The following SUZ12 variants were observed in gnomAD, a reference collection of about 807,000 sequenced individuals.
SUZ12 encodes the protein SUZ12 polycomb repressive complex 2 subunit, also known as polycomb protein SUZ12.
Under a neutral mutation model 87.3 loss-of-function variants are expected in SUZ12, and 17 were observed. That is an observed-to-expected ratio of 0.19 (90% CI 0.13 to 0.29). The LOEUF is 0.29. Ranked by LOEUF, SUZ12 falls within the 10% of genes least tolerant of loss-of-function variation. The pLI is 1.00. For missense variants in SUZ12, 526 were observed against 912.2 expected, an observed-to-expected ratio of 0.58 and a Z score of 5.45; for synonymous variants, 253 against 312.4, an observed-to-expected ratio of 0.81 and a Z score of 2.01.
Position 31,937,104 on chromosome 17 carries a change from C to T in SUZ12, c.-143C>T. 2.9e-6 allele frequency: 2 copies of T among 678,316 alleles called. No individual in the cohort carries two copies. Among genetic ancestry groups the T allele is most frequent in the Non-Finnish European group, 2.2e-6 (1 of 458,646 alleles). 42.0% of individuals were successfully genotyped at this position (678,316 alleles called of 1,614,324 possible). A position where few individuals can be genotyped will look rare whatever the true frequency, so the allele number is the denominator to read the frequency against. On this transcript the variant is annotated 5_prime_UTR_variant, in exon 1 of 16. Transcript: ENST00000322652. Reference sequence around the variant, plus strand: ...CCCTCCTTCCCTCCTCTCCTCCTCCCTTCCCTTCCCCTCTCCTCCCCTCTC... The same window carrying T: ...CCCTCCTTCCCTCCTCTCCTCCTCCTTTCCCTTCCCCTCTCCTCCCCTCTC...
intron 4 of SUZ12, among the ~76,000 whole-genome samples, chr17:31,950,219 T>C (rs1443932218): frequency 1.3e-5 from 2 of 152,098 alleles, no homozygotes; most frequent in African/African-American, 4.8e-5. Flanking sequence ...GCTGGAATTA[T>C]AGGCATGAGC....
chr17:31,970,505 A>C (rs575737069), intron 5 of SUZ12, among the ~76,000 whole-genome samples: 5 of 152,068 alleles, frequency 3.3e-5, no homozygotes, highest in Admixed American at 6.6e-5. Context: ...TTTCATCCCC[A>C]TAATCCCAGC....
In SUZ12 at chr17:31,966,491, GCA is replaced by G. The variant is rs1908095463; in HGVS notation, c.505+297_505+298del. ...GCCTCCTGAGTAGCTGGGATTACAG[GCA>G]CGTGCCCCATGCCTGGCTAATTTTT... is the stretch of plus-strand genomic sequence containing the variant. On this transcript the variant is annotated intron_variant, in intron 5 of 15. Transcript: ENST00000322652. 5 of 263,424 alleles carry G rather than the reference GCA, an allele frequency of 1.9e-5. No homozygotes were observed. The East Asian group carries it at 5.0e-4, about 27-fold the overall frequency. 16.3% of individuals were successfully genotyped at this position (263,424 alleles called of 1,614,324 possible).
chr17:31,956,562 A>G (rs1907351409), intron 4 of SUZ12, among the ~76,000 whole-genome samples: 1 of 152,078 alleles, frequency 6.6e-6, no homozygotes, highest in Non-Finnish European at 1.5e-5. Flanking sequence ...AGTACATATG[A>G]TGGTTAGGAT....
chr17:31,992,853 C>T (rs952606988), intron 10 of SUZ12, among the ~76,000 whole-genome samples: 4 of 151,992 alleles, frequency 2.6e-5, no homozygotes, highest in East Asian at 1.9e-4. Context: ...TGCAGGTGCC[C>T]GCCACCACGC....
At chr17:31,941,556 CT>C (rs35921728) in intron 3 of SUZ12, among the ~76,000 whole-genome samples, 138,814 of 145,222 alleles carry the variant, frequency 0.96, 66,236 homozygotes, top group East Asian at 1. Context: ...CGTGCCTGGC[CT>C]TTTTTTTTTT....
At chr17:31,976,849 A>T (rs746196800) in intron 8 of SUZ12, among the ~76,000 whole-genome samples, 2 of 152,190 alleles carry the variant, frequency 1.3e-5, no homozygotes, top group Non-Finnish European at 2.9e-5. Flanking sequence ...ATATTTTCTG[A>T]GTGTCTACTC....
intron 3 of SUZ12, among the ~76,000 whole-genome samples, chr17:31,944,725 A>T (rs1355840371): frequency 6.6e-6 from 1 of 152,088 alleles, no homozygotes. Flanking sequence ...ATTTCGGGAG[A>T]CTGAGTTAGG....
At chr17:31,993,420 TTTTA>T (rs1288922732) in intron 11 of SUZ12, 87 bp downstream of exon 11, 205 of 901,370 alleles carry the variant, frequency 2.3e-4, no homozygotes, top group Middle Eastern at 6.8e-4. Flanking sequence ...TTCATTTTTA[TTTTA>T]TTTATTTATT....
In SUZ12 at chr17:31,937,109, C is replaced by G. The variant is rs1905970095; in HGVS notation, c.-138C>G. The G allele has an allele frequency of 5.6e-6, 4 of 713,918 alleles. No homozygotes were observed. The highest frequency in any genetic ancestry group is 3.8e-5 in the African/African-American group (2 of 53,312). 44.2% of individuals were successfully genotyped at this position (713,918 alleles called of 1,614,324 possible). ...CTTCCCTCCTCTCCTCCTCCCTTCC[C>G]TTCCCCTCTCCTCCCCTCTCTCCTC... On this transcript the variant is annotated 5_prime_UTR_variant, in exon 1 of 16. Transcript: ENST00000322652.
chr17:31,991,765 T>C (rs60014682), intron 10 of SUZ12, among the ~76,000 whole-genome samples: 1 of 151,874 alleles, frequency 6.6e-6, no homozygotes. Context: ...CCACCATGCC[T>C]GGCTAGTTTT....
chr17:31,989,223 T>G (rs895083002), intron 10 of SUZ12, among the ~76,000 whole-genome samples: 4 of 152,026 alleles, frequency 2.6e-5, no homozygotes, highest in African/African-American at 9.7e-5. Context: ...TCTGCTGGCC[T>G]CTATGTGATT....
chr17:31,973,645 C>T (rs1275692998), intron 6 of SUZ12, among the ~76,000 whole-genome samples: 1 of 152,028 alleles, frequency 6.6e-6, no homozygotes, highest in Non-Finnish European at 1.5e-5. Flanking sequence ...TTGTTGTCAG[C>T]GTTATTAGCC....
intron 4 of SUZ12, among the ~76,000 whole-genome samples, chr17:31,964,679 C>T (rs1907983019): frequency 6.6e-6 from 1 of 152,170 alleles, no homozygotes; most frequent in Non-Finnish European, 1.5e-5. Context: ...GCCAGGATTA[C>T]AGACGTGAAG....
chr17:31,978,214 T>C lies in SUZ12; in HGVS notation c.917+1600T>C, dbSNP rs529454685. 7.6e-3 allele frequency among the ~76,000 whole-genome samples: 1,149 copies of C among 152,144 alleles called. 13 individuals carry two copies. The highest frequency in any genetic ancestry group is 0.026 in the African/African-American group (1,098 of 41,500). On this transcript the variant is annotated intron_variant, in intron 8 of 15. Transcript: ENST00000322652. Reference sequence around the variant, plus strand: ...CTATTGTTTATTTTTTATTTATTTATTTGTTTATTTTTGAGACGGACTCTC... The same window carrying C: ...CTATTGTTTATTTTTTATTTATTTACTTGTTTATTTTTGAGACGGACTCTC...
At position 32,000,632 on chromosome 17, in the gene SUZ12, T is replaced by TAA. The variant is rs769296762; in HGVS notation, c.*1645_*1646dup. 106 of 202,578 alleles carry TAA rather than the reference T, an allele frequency of 5.2e-4. No individual in the cohort carries two copies. The highest frequency in any genetic ancestry group is 1.1e-3 in the East Asian group (17 of 14,820). The allele number at this position is 202,578 out of a possible 1,614,324, so 12.5% of individuals were successfully genotyped here. ...AATTTGCTAAAGCTGTGCACATATG[T>TAA]AAAAAAAAAAAAAAAAAGATTATTT... On this transcript the variant is annotated 3_prime_UTR_variant, in exon 16 of 16. Coordinates refer to ENST00000322652, the MANE Select transcript of SUZ12 (RefSeq NM_015355.4).
At chr17:31,943,506 T>G (rs1170997325) in intron 3 of SUZ12, among the ~76,000 whole-genome samples, 1 of 152,226 alleles carries the variant, frequency 6.6e-6, no homozygotes, top group Middle Eastern at 3.4e-3. Context: ...GGAGATAACA[T>G]TTAGCTGAAT....
chr17:31,997,369 A>G (rs1910028626), intron 15 of SUZ12, among the ~76,000 whole-genome samples: 2 of 152,146 alleles, frequency 1.3e-5, no homozygotes, highest in Admixed American at 1.3e-4. Flanking sequence ...TCACACTCAA[A>G]ACATTTTATA....
In SUZ12 at chr17:31,993,290, A is replaced by G. The variant is rs1283327360; in HGVS notation, c.1250A>G (p.Asp417Gly). 1 of 1,589,066 alleles carries G rather than the reference A, an allele frequency of 6.3e-7. No individual in the cohort carries two copies. Among genetic ancestry groups the G allele is most frequent in the Non-Finnish European group, 8.5e-7 (1 of 1,172,430 alleles). Residue 417 changes from aspartate to glycine, a missense_variant, in exon 11 of 16, where the codon GAT becomes GGT. Asp to Gly is a moderately conservative substitution (Grantham distance 94). This residue lies in a region of SUZ12 where 85 missense variants were observed against 87.4 expected (regional missense o/e 0.97). Coordinates refer to ENST00000322652, the MANE Select transcript of SUZ12 (RefSeq NM_015355.4). The part of the protein sequence containing the change: ...TTDLQTRKEK[D>G]TPNENRQKLR... ...GATCTACAAACAAGAAAAGAAAAGG[A>G]TACTCCAAATGAAAACCGACAAAAA...
Sources: allele counts gnomAD v4.1 joint callset (sites outside exome capture counted in the v4.1 genomes callset), GRCh38; gene constraint gnomAD v4.1.1; regional missense constraint gnomAD v4.1.1; transcripts MANE v1.5; gene names NCBI Gene and HGNC (gene_info 2026-07-23, HGNC 2026-07-21).